Variants in TNRC18 observed in about 807,000 individuals in gnomAD.
The protein encoded by TNRC18 is trinucleotide repeat-containing gene 18 protein.
TNRC18 carries 69 observed loss-of-function variants against 226.7 expected under a neutral mutation model. The observed-to-expected ratio is 0.30, with a 90% CI of 0.25 to 0.37. The LOEUF (loss-of-function observed/expected upper bound fraction) is 0.37. Ranked by LOEUF, TNRC18 falls within the 10% of genes least tolerant of loss-of-function variation. The probability of loss-of-function intolerance (pLI) is 1.00; values close to 1 mark genes in which losing one functional copy is unlikely to be tolerated. For missense variants in TNRC18, 4,754 were observed against 4,256.6 expected (o/e 1.12, Z -3.25); for synonymous variants, 2,449 against 1,927.6 (o/e 1.27, Z -7.09).
In TNRC18 at chr7:5,335,851, A is replaced by AT. The variant is rs1562509233; in HGVS notation, c.5720-2803_5720-2802insA. 4.6e-3 allele frequency among the ~76,000 whole-genome samples: 523 copies of AT among 114,424 alleles called. 4 individuals carry two copies. The highest frequency in any genetic ancestry group is 0.015 in the African/African-American group (500 of 34,170). 75.1% of individuals were successfully genotyped at this position (114,424 alleles called of 152,430 possible). The stretch of plus-strand genomic sequence containing the variant: ...TATTCACTGGAAAAAAAAAAAAAAA[A>AT]AAAAAAAGGCATTCTGACTCTCCAC... On this transcript the variant is annotated intron_variant, in intron 18 of 29. Coordinates refer to ENST00000430969, the MANE Select transcript of TNRC18 (RefSeq NM_001080495.3).
intron 11 of TNRC18, among the ~76,000 whole-genome samples, chr7:5,364,493 A>ACACAC (rs1793417484): frequency 7.0e-6 from 1 of 142,862 alleles, no homozygotes; most frequent in Non-Finnish European, 1.5e-5. Flanking sequence ...ACACACACAC[A>ACACAC]CACACACACA....
intron 19 of TNRC18, among the ~76,000 whole-genome samples, chr7:5,325,864 G>A (rs571895733): frequency 1.3e-5 from 2 of 150,642 alleles, no homozygotes; most frequent in South Asian, 4.2e-4. Context: ...AGCCTCCTGA[G>A]TAGCTGGACT....
chr7:5,418,141 T>C (rs905619141), intron 2 of TNRC18, among the ~76,000 whole-genome samples: 1 of 152,172 alleles, frequency 6.6e-6, no homozygotes, highest in Non-Finnish European at 1.5e-5. Context: ...AGCTCTTTAA[T>C]TGCAGCCTGT....
At chr7:5,326,640 G>A (rs1199666615) in intron 19 of TNRC18, among the ~76,000 whole-genome samples, 7 of 151,990 alleles carry the variant, frequency 4.6e-5, no homozygotes, top group South Asian at 4.2e-4. Flanking sequence ...AAAGGGACAC[G>A]TCTAAAACAA....
chr7:5,383,588 G>A (rs938017443), intron 5 of TNRC18, among the ~76,000 whole-genome samples: 1 of 152,190 alleles, frequency 6.6e-6, no homozygotes, highest in Non-Finnish European at 1.5e-5. Context: ...GCTCCAAAAA[G>A]CAAGAGACTG....
At position 5,423,621 on chromosome 7, in the gene TNRC18, C is replaced by T. The variant is rs1320321832; in HGVS notation, c.-424G>A. The T allele has an allele frequency of 6.6e-6, 1 of 151,842 alleles. No individual in the cohort carries two copies. The highest frequency in any genetic ancestry group is 1.9e-4 in the East Asian group (1 of 5,134). 9.4% of individuals were successfully genotyped at this position (151,842 alleles called of 1,614,324 possible). A position where few individuals can be genotyped will look rare whatever the true frequency, so the allele number is the denominator to read the frequency against. On this transcript the variant is annotated 5_prime_UTR_variant, in exon 1 of 30. Coordinates refer to ENST00000430969, the MANE Select transcript of TNRC18 (RefSeq NM_001080495.3). ...TCCTTTTTTTGGTAGAAAACCGCTC[C>T]CCGGGCCGAGCGCTCGGCGCGCCAA...
At chr7:5,398,256 C>T (rs56215700) in intron 2 of TNRC18, among the ~76,000 whole-genome samples, 2 of 151,952 alleles carry the variant, frequency 1.3e-5, no homozygotes, top group Non-Finnish European at 2.9e-5. Context: ...CCGCACCTTC[C>T]GCCACCCGGG....
chr7:5,421,133 C>CA lies in TNRC18; in HGVS notation c.113dup (p.Leu38PhefsTer54). ...GCGGGCCGGGCAAGCCCGAGGCGGG[C>CA]AAGCGTCCGGCAGTGGCCGCGCCCA... On this transcript the variant is annotated frameshift_variant, in exon 2 of 30. Coordinates refer to ENST00000430969, the MANE Select transcript of TNRC18 (RefSeq NM_001080495.3). LOFTEE classifies it high-confidence loss of function. 6.9e-7 allele frequency: 1 copy of CA among 1,452,926 alleles called. No individual in the cohort carries two copies. The highest frequency in any genetic ancestry group is 9.1e-7 in the Non-Finnish European group (1 of 1,096,706). 90.0% of individuals were successfully genotyped at this position (1,452,926 alleles called of 1,614,324 possible). A position where few individuals can be genotyped will look rare whatever the true frequency, so the allele number is the denominator to read the frequency against.
Position 5,388,913 on chromosome 7 carries a change from C to A in TNRC18, c.911G>T (p.Gly304Val), listed in dbSNP as rs1406066253. Residue 304 changes from glycine (G) to valine (V), a missense_variant, in exon 5 of 30, where the codon GGT (glycine) becomes GTT (valine). Gly to Val is a moderately radical substitution (Grantham distance 109). Coordinates refer to ENST00000430969, the MANE Select transcript of TNRC18 (RefSeq NM_001080495.3). ...GTCCTGCCGGGCAGCCTCCTTGGCA[C>A]CCCCGCGCCCCGCTTCGGCCACCAG... is the stretch of plus-strand genomic sequence containing the variant. ...PALVAEAGRG[G>V]AKEAARQDEG... The A allele has an allele frequency of 4.1e-5, 56 of 1,362,226 alleles. No individual in the cohort carries two copies. Among genetic ancestry groups the A allele is most frequent in the Middle Eastern group, 5.2e-4 (2 of 3,864 alleles). 84.4% of individuals were successfully genotyped at this position (1,362,226 alleles called of 1,614,324 possible). A position where few individuals can be genotyped will look rare whatever the true frequency, so the allele number is the denominator to read the frequency against.
intron 11 of TNRC18, among the ~76,000 whole-genome samples, chr7:5,366,318 CTTTTTTTTT>C (rs202053648): frequency 9.8e-4 from 69 of 70,482 alleles, no homozygotes; most frequent in African/African-American, 4.1e-3. Context: ...CTTCTTATAT[CTTTTTTTTT>C]TTTTTTTTTT....
intron 2 of TNRC18, among the ~76,000 whole-genome samples, chr7:5,397,246 G>A (rs1027080951): frequency 6.6e-6 from 1 of 152,330 alleles, no homozygotes; most frequent in South Asian, 2.1e-4. Flanking sequence ...CCTTGCTGTG[G>A]CAGGCGGGTG....
chr7:5,319,958 A>G (rs1788185886), intron 24 of TNRC18, among the ~76,000 whole-genome samples: 1 of 152,252 alleles, frequency 6.6e-6, no homozygotes, highest in African/African-American at 2.4e-5. Context: ...GACTCACGGC[A>G]GTAGGATCAA....
At chr7:5,419,412 G>GC in intron 2 of TNRC18, among the ~76,000 whole-genome samples, 1 of 152,030 alleles carries the variant, frequency 6.6e-6, no homozygotes, top group Non-Finnish European at 1.5e-5. Flanking sequence ...CTTGGGGGGG[G>GC]CCCCCCTGCC....
chr7:5,377,091 C>T lies in TNRC18; in HGVS notation c.2462-98G>A, dbSNP rs1049671223. 17 of 1,474,562 alleles carry T rather than the reference C, an allele frequency of 1.2e-5. No individual in the cohort carries two copies. Among genetic ancestry groups the T allele is most frequent in the African/African-American group, 4.3e-5 (3 of 69,752 alleles). The allele number at this position is 1,474,562 out of a possible 1,614,324, so 91.3% of individuals were successfully genotyped here. On this transcript the variant is annotated intron_variant, in intron 7 of 29. Coordinates refer to ENST00000430969, the MANE Select transcript of TNRC18 (RefSeq NM_001080495.3). The surrounding 1 kb of genome is among the most constrained non-coding windows in gnomAD (Gnocchi z 5.8). ...CAGCACCACCTCCCAAGTCCTGAACCTCCTGGGGCCTCCAGTGGGGAAGCC... is the reference window on the plus strand; with the variant it reads ...CAGCACCACCTCCCAAGTCCTGAACTTCCTGGGGCCTCCAGTGGGGAAGCC...
intron 21 of TNRC18, among the ~76,000 whole-genome samples, chr7:5,322,790 G>T (rs1234244806): frequency 6.6e-6 from 1 of 152,202 alleles, no homozygotes; most frequent in Non-Finnish European, 1.5e-5. Context: ...TCATTACCCA[G>T]ATGGCTCGCT....
rs1331243397 is a variant in TNRC18, at chr7:5,321,171, G to A, written c.6462C>T (p.Ile2154=). ...PLTPAPRSCI[I]DKDELKDGLR... is the part of the protein sequence containing the mutation. ...GGCCGTCCTTCAGCTCATCCTTGTC[G>A]ATGATGCAGGAGCGAGGGGCTGCAG... is the stretch of plus-strand genomic sequence containing the variant. The change falls in exon 22 of 30, where the codon ATC becomes ATT. Residue 2154 remains isoleucine (I), a synonymous_variant. Coordinates refer to ENST00000430969, the MANE Select transcript of TNRC18 (RefSeq NM_001080495.3). The A allele has an allele frequency of 1.3e-5, 20 of 1,550,884 alleles. No homozygotes were observed. The highest frequency in any genetic ancestry group is 7.3e-5 in the East Asian group (3 of 41,044).
chr7:5,341,626 T>G (rs1790693332), intron 18 of TNRC18, among the ~76,000 whole-genome samples: 3 of 151,654 alleles, frequency 2.0e-5, no homozygotes, highest in Admixed American at 2.0e-4. Flanking sequence ...CAGCCACATG[T>G]GGTGGTGCAC....
chr7:5,372,668 T>C (rs1794278419), intron 10 of TNRC18, among the ~76,000 whole-genome samples: 1 of 152,140 alleles, frequency 6.6e-6, no homozygotes, highest in Admixed American at 6.5e-5. Context: ...TGAGCTATGA[T>C]GGCACCACTG....
intron 2 of TNRC18, among the ~76,000 whole-genome samples, chr7:5,408,760 G>C (rs10274456): frequency 0.12 from 18,445 of 152,214 alleles, 1,930 homozygotes; most frequent in African/African-American, 0.27. Flanking sequence ...CAGACAACCA[G>C]GAAACCAGCA....
Sources: allele counts gnomAD v4.1 joint callset (sites outside exome capture counted in the v4.1 genomes callset), GRCh38; gene constraint gnomAD v4.1.1; non-coding constraint Gnocchi (gnomAD v3.1); transcripts MANE v1.5; gene names NCBI Gene and HGNC (gene_info 2026-07-23, HGNC 2026-07-21).